Variants in CYP11B2 observed in about 807,000 individuals in gnomAD.
CYP11B2 encodes the protein cytochrome P450 11B2, mitochondrial.
Under a neutral mutation model 49.3 loss-of-function variants are expected in CYP11B2, and 38 were observed. The ratio of observed to expected loss-of-function variants is 0.77; its 90% CI spans 0.59 to 1.01. The LOEUF (loss-of-function observed/expected upper bound fraction) is 1.01, where lower values mean the gene tolerates loss of function less well. CYP11B2 is among the 50% of genes least tolerant of loss of function. CYP11B2 has a pLI of 0.00. For synonymous variants in CYP11B2, 290 were observed against 269.3 expected (o/e 1.08, Z -0.75); for missense variants, 669 against 655.5 (o/e 1.02, Z -0.23).
At chr8:142,916,267 C>T (rs1307447946) in intron 2 of CYP11B2, 4 of 387,538 alleles carry the variant, frequency 1.0e-5, no homozygotes, top group Admixed American at 2.9e-5. Context: ...TATAGGCCAG[C>T]CTCAGTGAAG....
In CYP11B2 at chr8:142,912,073, C is replaced by T; in HGVS notation, c.1419G>A (p.Val473=). 6.2e-7 allele frequency: 1 copy of T among 1,614,072 alleles called. No individual in the cohort carries two copies. The highest frequency in any genetic ancestry group is 8.5e-7 in the Non-Finnish European group (1 of 1,179,972). Residue 473 remains valine (V), a synonymous_variant, in exon 9 of 9, where the codon GTG becomes GTA. Coordinates refer to ENST00000323110, the MANE Select transcript of CYP11B2 (RefSeq NM_000498.3). ...TTATGTCCTCTTGAGTTAGTGTCTC[C>T]ACCAGGAAGTGCTTCAGCACCTAGG... ...LLHHVLKHFL[V]ETLTQEDIKM...
chr8:142,915,260 G>T lies in CYP11B2; in HGVS notation c.396-15C>A, dbSNP rs771743061. 6.2e-7 allele frequency: 1 copy of T among 1,602,054 alleles called. No individual in the cohort carries two copies. The highest frequency in any genetic ancestry group is 1.1e-5 in the South Asian group (1 of 88,744). Reference sequence around the variant, plus strand: ...CAGGCCCATTCCTACAGAGGCCAGGGCAGAGCTTGTGAGGCCGCCCCAGCA... The same window carrying T: ...CAGGCCCATTCCTACAGAGGCCAGGTCAGAGCTTGTGAGGCCGCCCCAGCA... On this transcript the variant is annotated splice_polypyrimidine_tract_variant and intron_variant, in intron 2 of 8. Transcript: ENST00000323110.
chr8:142,912,595 A>T lies in CYP11B2; in HGVS notation c.1333T>A (p.Phe445Ile). The T allele has an allele frequency of 6.2e-7, 1 of 1,614,192 alleles. No homozygotes were observed. The highest frequency in any genetic ancestry group is 8.5e-7 in the Non-Finnish European group (1 of 1,180,034). ...CGCCCGAGGCACTGGCGCATGCCAAAGCCAAAGGGCACGTGGTGGAAGTTC... is the reference window on the plus strand; with the variant it reads ...CGCCCGAGGCACTGGCGCATGCCAATGCCAAAGGGCACGTGGTGGAAGTTC... ...GRNFHHVPFG[F>I]GMRQCLGRRL... Residue 445 changes from phenylalanine (F) to isoleucine (I), a missense_variant, in exon 8 of 9, where the codon TTT becomes ATT. Transcript: ENST00000323110.
rs1817624068 is a variant in CYP11B2, at chr8:142,915,249, C to T, written c.396-4G>A. On this transcript the variant is annotated splice_polypyrimidine_tract_variant and splice_region_variant and intron_variant, in intron 2 of 8. Transcript: ENST00000323110. ...GAAGCGCCATTCAGGCCCATTCCTA[C>T]AGAGGCCAGGGCAGAGCTTGTGAGG... 1.2e-6 allele frequency: 2 copies of T among 1,609,404 alleles called. No homozygotes were observed. The highest frequency in any genetic ancestry group is 2.2e-5 in the South Asian group (2 of 89,930).
In CYP11B2 at chr8:142,915,191, C is replaced by CGACA. The variant is rs770593140; in HGVS notation, c.446_449dup (p.Pro151ValfsTer109). Reference sequence around the variant, plus strand: ...GGAGGAACCTCTGCACGGCCTTGGGCGACAGCACATCTGGGTTCAGCCGCA... The same window carrying CGACA: ...GGAGGAACCTCTGCACGGCCTTGGGCGACAGACAGCACATCTGGGTTCAGCCGCA... On this transcript the variant is annotated frameshift_variant, in exon 3 of 9. Transcript: ENST00000323110. LOFTEE classifies it high-confidence loss of function. 1.9e-6 allele frequency: 3 copies of CGACA among 1,614,046 alleles called. No homozygotes were observed. In the African/African-American group the frequency reaches 4.0e-5, roughly 22 times the overall value.
intron 8 of CYP11B2, 73 bp from the exon 9 acceptor site, chr8:142,912,166 C>A: frequency 6.2e-7 from 1 of 1,605,612 alleles, no homozygotes; most frequent in East Asian, 2.2e-5. Flanking sequence ...CTCCCATCGT[C>A]CCAGGTGCAA....
Position 142,917,689 on chromosome 8 carries a change from C to T in CYP11B2, c.152G>A (p.Arg51Lys), listed in dbSNP as rs1376269891. ...MPQHPGNRWL[R>K]LLQIWREQGY... ...CTGCTCCCTCCAGATCTGCAGCAGC[C>T]TCAGCCACCTGTTGCCTGGATGCTG... is the stretch of plus-strand genomic sequence containing the variant. Residue 51 changes from arginine (R) to lysine (K), a missense_variant, in exon 1 of 9, where the codon AGG becomes AAG. Transcript: ENST00000323110. 2 of 1,614,270 alleles carry T rather than the reference C, an allele frequency of 1.2e-6. No homozygotes were observed. The highest frequency in any genetic ancestry group is 1.1e-5 in the South Asian group (1 of 91,090).
In CYP11B2 at chr8:142,917,353, G is replaced by A. The variant is rs1817665818; in HGVS notation, c.240-139C>T. The A allele has an allele frequency of 3.6e-6, 5 of 1,398,222 alleles. No homozygotes were observed. The African/African-American group carries it at 5.7e-5, about 16-fold the overall frequency. The allele number at this position is 1,398,222 out of a possible 1,614,324, so 86.6% of individuals were successfully genotyped here. On this transcript the variant is annotated intron_variant, in intron 1 of 8. Transcript: ENST00000323110. ...CTTCACAGCTAAAGCCCTCCTGCTG[G>A]CTCCCTGGAACCTTTCAACTTTAGT...
chr8:142,917,483 T>C, intron 1 of CYP11B2, 119 bp downstream of exon 1: 2 of 1,612,974 alleles, frequency 1.2e-6, no homozygotes, highest in Admixed American at 1.7e-5. Flanking sequence ...TTCCCCATCC[T>C]CCAAAGGATG....
rs370056488 is a variant in CYP11B2, at chr8:142,917,717, G to A, written c.124C>T (p.Pro42Ser). ...AGCCACCTGTTGCCTGGATGCTGGG[G>A]CATGGCTTCAAACGGCAGCACCGTC... ...PRTVLPFEAM[P>S]QHPGNRWLRL... The change falls in exon 1 of 9, where the codon CCC becomes TCC. Residue 42 changes from proline to serine, a missense_variant. Coordinates refer to ENST00000323110, the MANE Select transcript of CYP11B2 (RefSeq NM_000498.3). 7.4e-6 allele frequency: 12 copies of A among 1,614,112 alleles called. No individual in the cohort carries two copies. Among genetic ancestry groups the A allele is most frequent in the Non-Finnish European group, 1.0e-5 (12 of 1,180,050 alleles).
At position 142,914,751 on chromosome 8, in the gene CYP11B2, C is replaced by T. The variant is rs765611059; in HGVS notation, c.753G>A (p.Lys251=). 6 of 1,613,346 alleles carry T rather than the reference C, an allele frequency of 3.7e-6. No homozygotes were observed. The highest frequency in any genetic ancestry group is 1.6e-4 in the Middle Eastern group (1 of 6,078). The change falls in exon 4 of 9, where the codon AAG becomes AAA. Residue 251 remains lysine (K), a synonymous_variant. Transcript: ENST00000323110. The part of the protein sequence containing the change: ...PRSLSRWISP[K]VWKEHFEAWD... Reference sequence around the variant, plus strand: ...AGGCCTCAAAGTGCTCCTTCCACACCTTGGGGCTGATCCAGCGAGACAGGC... The same window carrying T: ...AGGCCTCAAAGTGCTCCTTCCACACTTTGGGGCTGATCCAGCGAGACAGGC...
chr8:142,916,911 G>A, intron 2 of CYP11B2, 148 bp downstream of exon 2: 1 of 1,265,984 alleles, frequency 7.9e-7, no homozygotes, highest in Non-Finnish European at 1.1e-6. Context: ...CCCACAGGAT[G>A]GCCGTCCTCT....
At position 142,914,397 on chromosome 8, in the gene CYP11B2, A is replaced by G. The variant is rs756137194; in HGVS notation, c.821T>C (p.Ile274Thr). 3.7e-5 allele frequency: 59 copies of G among 1,613,294 alleles called. No homozygotes were observed. In the Admixed American group the frequency reaches 4.7e-4, roughly 13 times the overall value. The change falls in exon 5 of 9, where the codon ATC (isoleucine) becomes ACC (threonine). Residue 274 changes from isoleucine (I) to threonine (T), a missense_variant. Coordinates refer to ENST00000323110, the MANE Select transcript of CYP11B2 (RefSeq NM_000498.3). ...GCGGTTGAAGGCCAGTTCCTGGTAG[A>G]TTTTCTGGATACAGTTGTCACCTGT... ...FQYGDNCIQK[I>T]YQELAFNRPQ...
At chr8:142,914,138 G>C (rs1817592398) in intron 5 of CYP11B2, 126 bp downstream of exon 5, 1 of 1,097,332 alleles carries the variant, frequency 9.1e-7, no homozygotes, top group South Asian at 1.3e-5. Flanking sequence ...AAGGCTGAGG[G>C]CAACAGAAAT....
At chr8:142,914,122 AG>A in intron 5 of CYP11B2, 141 bp downstream of exon 5, 2 of 919,084 alleles carry the variant, frequency 2.2e-6, no homozygotes, top group South Asian at 2.8e-5. Context: ...TTAACAAAGG[AG>A]GGGGAAGGCT....
At position 142,912,512 on chromosome 8, in the gene CYP11B2, GC is replaced by G. The variant is rs766389481; in HGVS notation, c.1398+17del. Reference sequence around the variant, plus strand: ...CCTCTGCTGCCCAGGTCCCGCCCCCGCCCCCAGGCCTGCTTACGTGGTGCAG... The same window carrying G: ...CCTCTGCTGCCCAGGTCCCGCCCCCGCCCCAGGCCTGCTTACGTGGTGCAG... On this transcript the variant is annotated intron_variant, in intron 8 of 8. Transcript: ENST00000323110. 9.1e-5 allele frequency: 79 copies of G among 870,582 alleles called. No individual in the cohort carries two copies. The highest frequency in any genetic ancestry group is 1.9e-4 in the African/African-American group (11 of 56,668). The allele number at this position is 870,582 out of a possible 1,614,324, so 53.9% of individuals were successfully genotyped here.
chr8:142,916,957 G>A (rs1586576647), intron 2 of CYP11B2, 102 bp downstream of exon 2: 1 of 1,533,036 alleles, frequency 6.5e-7, no homozygotes, highest in Non-Finnish European at 8.8e-7. Context: ...CACCACAGGG[G>A]CCCAGGGCAG....
rs2130328608 is a variant in CYP11B2, at chr8:142,914,245, G to A, written c.954+19C>T. 6.2e-7 allele frequency: 1 copy of A among 1,614,010 alleles called. No homozygotes were observed. The highest frequency in any genetic ancestry group is 2.2e-5 in the East Asian group (1 of 44,868). ...GCTTGGCATCACCCTCTCTGGGTGGGGCTGGTTGCTGGCCTGACCGTGTCC... is the reference window on the plus strand; with the variant it reads ...GCTTGGCATCACCCTCTCTGGGTGGAGCTGGTTGCTGGCCTGACCGTGTCC... On this transcript the variant is annotated intron_variant, in intron 5 of 8. Coordinates refer to ENST00000323110, the MANE Select transcript of CYP11B2 (RefSeq NM_000498.3).
At chr8:142,915,326 A>C (rs1817626171) in intron 2 of CYP11B2, 81 bp from the exon 3 acceptor site, 1 of 1,300,238 alleles carries the variant, frequency 7.7e-7, no homozygotes, top group Non-Finnish European at 1.1e-6. Context: ...CCTTGTCCCC[A>C]AGGGGAATCG....
Sources: allele counts gnomAD v4.1 joint callset, GRCh38; gene constraint gnomAD v4.1.1; transcripts MANE v1.5; gene names NCBI Gene and HGNC (gene_info 2026-07-23, HGNC 2026-07-21).